SPTB: variants seen among roughly 807,000 people sequenced by gnomAD.
SPTB encodes the protein spectrin beta, erythrocytic, also known as spectrin beta chain, erythrocytic.
Under a neutral mutation model 256.2 loss-of-function variants are expected in SPTB, and 45 were observed. The observed-to-expected ratio is 0.18, with a 90% CI of 0.14 to 0.23. The LOEUF (loss-of-function observed/expected upper bound fraction) is 0.23, where lower values mean the gene tolerates loss of function less well. Among genes scored for constraint, SPTB ranks in the 10% least tolerant of loss-of-function variants. SPTB has a pLI of 1.00. For synonymous variants in SPTB, 1,231 were observed against 1,243.1 expected (o/e 0.99, Z 0.21); for missense variants, 2,715 against 3,040.4 (o/e 0.89, Z 2.52).
chr14:64,831,705 A>G lies in SPTB; in HGVS notation c.-51-8560T>C, dbSNP rs113137123. Among the ~76,000 whole-genome samples, 310 of 152,318 alleles carry G rather than the reference A, an allele frequency of 2.0e-3. 1 individual carries two copies. The highest frequency in any genetic ancestry group is 7.0e-3 in the African/African-American group (292 of 41,580). ...CATATGCAAGAATGTTTACTGAGGC[A>G]TTGATTGTGGTGGCGGGGAGGTGGA... On this transcript the variant is annotated intron_variant, in intron 1 of 35. Coordinates refer to ENST00000644917, the MANE Select transcript of SPTB (RefSeq NM_001355436.2).
At chr14:64,836,507 C>CA (rs142856733) in intron 1 of SPTB, among the ~76,000 whole-genome samples, 1,820 of 151,448 alleles carry the variant, frequency 0.012, 40 homozygotes, top group African/African-American at 0.042. Context: ...CAAGGCAAAA[C>CA]AAAAAAAAGG....
Position 64,786,187 on chromosome 14 carries a change from G to A in SPTB, c.3561+217C>T, listed in dbSNP as rs901022018. ...AGGCTAACCACCCAGGGCAAAATGC[G>A]CTTCTCTAGCCTCTGATAGACCCAA... On this transcript the variant is annotated intron_variant, in intron 16 of 35. Transcript: ENST00000644917. This position sits in a 1 kb window ranked among gnomAD's most constrained non-coding sequence, Gnocchi z 5.6. Among the ~76,000 whole-genome samples, 1 of 152,136 alleles carries A rather than the reference G, an allele frequency of 6.6e-6. No homozygotes were observed. The highest frequency in any genetic ancestry group is 2.4e-5 in the African/African-American group (1 of 41,426).
Position 64,852,899 on chromosome 14 carries a change from T to C in SPTB, c.-52+26893A>G, listed in dbSNP as rs1283161445. ...CTTTCAGTCCAGCAAGGAAGACAAA[T>C]AGCCAGTGAATTATTACAAATAATT... On this transcript the variant is annotated intron_variant, in intron 1 of 35. Coordinates refer to ENST00000644917, the MANE Select transcript of SPTB (RefSeq NM_001355436.2). The surrounding 1 kb of genome is among the most constrained non-coding windows in gnomAD (Gnocchi z 4.2). Among the ~76,000 whole-genome samples, 4 of 152,150 alleles carry C rather than the reference T, an allele frequency of 2.6e-5. No individual in the cohort carries two copies. In the South Asian group the frequency reaches 6.2e-4, roughly 24 times the overall value.
At position 64,853,482 on chromosome 14, in the gene SPTB, G is replaced by T. The variant is rs2083818615; in HGVS notation, c.-52+26310C>A. 6.6e-6 allele frequency among the ~76,000 whole-genome samples: 1 copy of T among 152,218 alleles called. No homozygotes were observed. The highest frequency in any genetic ancestry group is 2.4e-5 in the African/African-American group (1 of 41,444). ...GCAAACAACACTGTCCCATATCCCA[G>T]AGAGCCTTAGTGATTCACAGCTGGT... On this transcript the variant is annotated intron_variant, in intron 1 of 35. Coordinates refer to ENST00000644917, the MANE Select transcript of SPTB (RefSeq NM_001355436.2). The surrounding 1 kb of genome is among the most constrained non-coding windows in gnomAD (Gnocchi z 4.3).
At chr14:64,828,508 A>G (rs1213960214) in intron 1 of SPTB, among the ~76,000 whole-genome samples, 3 of 152,220 alleles carry the variant, frequency 2.0e-5, no homozygotes, top group Admixed American at 6.5e-5. Flanking sequence ...TCATATACAT[A>G]TCAGGTTGGT....
chr14:64,874,866 T>C (rs543573828), intron 1 of SPTB, among the ~76,000 whole-genome samples: 1 of 152,368 alleles, frequency 6.6e-6, no homozygotes, highest in South Asian at 2.1e-4. Context: ...ATTATTGTTC[T>C]TTAGCTATCA....
intron 1 of SPTB, among the ~76,000 whole-genome samples, chr14:64,829,941 A>C (rs1042541395): frequency 6.6e-6 from 1 of 152,018 alleles, no homozygotes; most frequent in African/African-American, 2.4e-5. Flanking sequence ...GGTCTTGTGC[A>C]TGCCATGCCC....
At chr14:64,875,320 T>C (rs981139214) in intron 1 of SPTB, among the ~76,000 whole-genome samples, 1 of 152,242 alleles carries the variant, frequency 6.6e-6, no homozygotes, top group African/African-American at 2.4e-5. Context: ...TGGTTTGATA[T>C]TCAGCTGAGG....
chr14:64,876,328 G>C (rs1882823889), intron 1 of SPTB, among the ~76,000 whole-genome samples: 1 of 152,086 alleles, frequency 6.6e-6, no homozygotes, highest in South Asian at 2.1e-4. Flanking sequence ...TTTTAGTAGA[G>C]ATAGGTTTGG....
chr14:64,780,525 TGCCTCA>T (rs2082450909), intron 20 of SPTB, among the ~76,000 whole-genome samples: 2 of 152,220 alleles, frequency 1.3e-5, no homozygotes, highest in South Asian at 4.1e-4. Context: ...GTGATTCTCC[TGCCTCA>T]GCCTCCAGAG....
chr14:64,816,843 A>G lies in SPTB; in HGVS notation c.148+6104T>C, dbSNP rs971131350. On this transcript the variant is annotated intron_variant, in intron 2 of 35. Coordinates refer to ENST00000644917, the MANE Select transcript of SPTB (RefSeq NM_001355436.2). The surrounding 1 kb of genome is among the most constrained non-coding windows in gnomAD (Gnocchi z 4.2). ...CATGTGGGGGACACATGGGGCAGGG[A>G]GAATGGGTGCTGGCTTTTCCTGAGA... Among the ~76,000 whole-genome samples, 2 of 148,930 alleles carry G rather than the reference A, an allele frequency of 1.3e-5. No individual in the cohort carries two copies. The highest frequency in any genetic ancestry group is 5.2e-5 in the African/African-American group (2 of 38,626).
chr14:64,793,622 C>T lies in SPTB; in HGVS notation c.2041G>A (p.Ala681Thr), dbSNP rs2082715733. Residue 681 changes from alanine (A) to threonine (T), a missense_variant, in exon 14 of 36, where the codon GCC becomes ACC. Ala to Thr is a moderately conservative substitution (Grantham distance 58, BLOSUM62 0). This residue lies in a region of SPTB where 2,239 missense variants were observed against 2,384.4 expected (regional missense o/e 0.94). Transcript: ENST00000644917. The surrounding 1 kb of genome is among the most constrained non-coding windows in gnomAD (Gnocchi z 7.0). ...AGCCCACGGAGCTCATCCTCAAAGG[C>T]CTTGTGCTTGCGCTGTAAGATGAGC... is the stretch of plus-strand genomic sequence containing the variant. ...SVLILQRKHK[A>T]FEDELRGLDA... The T allele has an allele frequency of 1.2e-6, 2 of 1,614,188 alleles. No individual in the cohort carries two copies. The highest frequency in any genetic ancestry group is 1.1e-5 in the South Asian group (1 of 91,082).
chr14:64,759,472 T>C lies in SPTB; in HGVS notation c.6346-5679A>G, dbSNP rs151115385. 3.3e-5 allele frequency among the ~76,000 whole-genome samples: 5 copies of C among 152,274 alleles called. No individual in the cohort carries two copies. Among genetic ancestry groups the C allele is most frequent in the African/African-American group, 1.2e-4 (5 of 41,558 alleles). On this transcript the variant is annotated intron_variant, in intron 32 of 35. Transcript: ENST00000644917. The surrounding 1 kb of genome is among the most constrained non-coding windows in gnomAD (Gnocchi z 4.8). ...CAGGAGGACCCACCTCCCCTGAGCC[T>C]CAAGGCTAATAAGAGGGGATGAGGG...
At position 64,771,070 on chromosome 14, in the gene SPTB, T is replaced by C; in HGVS notation, c.5613A>G (p.Ala1871=). 1 of 1,614,168 alleles carries C rather than the reference T, an allele frequency of 6.2e-7. No individual in the cohort carries two copies. Among genetic ancestry groups the C allele is most frequent in the East Asian group, 2.2e-5 (1 of 44,884 alleles). ...RLQTAYAGEK[A]EAIQNKEQEV... ...CCTGCTCCTTGTTCTGGATGGCCTC[T>C]GCCTTCTCCCCAGCATATGCTGTCT... The change falls in exon 27 of 36, where the codon GCA becomes GCG. Residue 1871 remains alanine (A), a synonymous_variant. Transcript: ENST00000644917.
At chr14:64,829,118 G>A (rs912285036) in intron 1 of SPTB, among the ~76,000 whole-genome samples, 1 of 152,092 alleles carries the variant, frequency 6.6e-6, no homozygotes, top group African/African-American at 2.4e-5. Flanking sequence ...CAACATGAAG[G>A]ACATCATGAC....
In SPTB at chr14:64,779,228, G is replaced by C; in HGVS notation, c.4492C>G (p.Leu1498Val). The change falls in exon 22 of 36, where the codon CTG (leucine) becomes GTG (valine). Residue 1498 changes from leucine (L) to valine (V), a missense_variant. Leu to Val is a conservative substitution (Grantham distance 32). Coordinates refer to ENST00000644917, the MANE Select transcript of SPTB (RefSeq NM_001355436.2). The surrounding 1 kb of genome is among the most constrained non-coding windows in gnomAD (Gnocchi z 4.2). ...EDETLWVEER[L>V]PLAQSADYGT... ...TAGTCGGCTGACTGGGCCAGAGGCA[G>C]CCTCTCCTCCACCCAAAGCTGCAGA... The C allele has an allele frequency of 6.2e-7, 1 of 1,613,852 alleles. No individual in the cohort carries two copies.
intron 24 of SPTB, 134 bp downstream of exon 24, chr14:64,774,263 G>C (rs8023246): frequency 8.1e-7 from 1 of 1,240,616 alleles, no homozygotes; most frequent in Non-Finnish European, 1.1e-6. Flanking sequence ...CACCAGTCCC[G>C]CAGCAATTTT....
intron 1 of SPTB, among the ~76,000 whole-genome samples, chr14:64,835,843 C>A (rs1200240250): frequency 6.6e-6 from 1 of 152,178 alleles, no homozygotes; most frequent in Non-Finnish European, 1.5e-5. Flanking sequence ...CATTATTATT[C>A]CCATTCTATC....
rs1309881123 is a variant in SPTB, at chr14:64,767,341, T to C, written c.6231A>G (p.Lys2077=). Residue 2077 remains lysine (K), a synonymous_variant, in exon 31 of 36, where the codon AAA becomes AAG. Transcript: ENST00000644917. Reference sequence around the variant, plus strand: ...CGGGTCTCTCTGCAATCTGGCGTTCTTTCAGCTCAAGCTAGAGGAGGAGAA... The same window carrying C: ...CGGGTCTCTCTGCAATCTGGCGTTCCTTCAGCTCAAGCTAGAGGAGGAGAA... ...ALEKPTTLEL[K]ERQIAERPAE... is the part of the protein sequence containing the mutation. The C allele has an allele frequency of 1.9e-6, 3 of 1,614,092 alleles. No homozygotes were observed. The highest frequency in any genetic ancestry group is 2.5e-6 in the Non-Finnish European group (3 of 1,180,024).
Sources: allele counts gnomAD v4.1 joint callset (sites outside exome capture counted in the v4.1 genomes callset), GRCh38; gene constraint gnomAD v4.1.1; regional missense constraint gnomAD v4.1.1; non-coding constraint Gnocchi (gnomAD v3.1); transcripts MANE v1.5; gene names NCBI Gene and HGNC (gene_info 2026-07-23, HGNC 2026-07-21).